The following MTTP variants were observed in gnomAD, a reference collection of about 807,000 sequenced individuals.
MTTP encodes the protein microsomal triglyceride transfer protein, also known as microsomal triglyceride transfer protein large subunit.
MTTP carries 49 observed loss-of-function variants against 90.6 expected under a neutral mutation model. The ratio of observed to expected loss-of-function variants is 0.54; its 90% CI spans 0.43 to 0.69. The LOEUF is 0.69. Among genes scored for constraint, MTTP ranks in the 30% least tolerant of loss-of-function variants. MTTP has a pLI of 0.00. For synonymous variants in MTTP, 347 were observed against 384.2 expected (o/e 0.90, Z 1.13); for missense variants, 945 against 1,067.5 (o/e 0.89, Z 1.60).
intron 1 of MTTP, among the ~76,000 whole-genome samples, chr4:99,568,691 A>G (rs1724763726): frequency 6.6e-6 from 1 of 152,160 alleles, no homozygotes; most frequent in African/African-American, 2.4e-5. Flanking sequence ...GTGCCAGATA[A>G]TAAGGAGATG....
chr4:99,564,230 A>C, exon 1 of MTTP: 1 of 1,535,568 alleles, frequency 6.5e-7, no homozygotes, highest in Non-Finnish European at 8.7e-7. Context: ...ATTCATTCAT[A>C]TATTCTTGTG....
intron 10 of MTTP, among the ~76,000 whole-genome samples, chr4:99,602,718 T>C (rs1725727700): frequency 6.6e-6 from 1 of 152,154 alleles, no homozygotes; most frequent in African/African-American, 2.4e-5. Context: ...ACTTCTTATA[T>C]TTTTCAATTT....
chr4:99,589,837 C>T (rs1725371116), intron 4 of MTTP, 87 bp downstream of exon 4: 2 of 926,262 alleles, frequency 2.2e-6, no homozygotes, highest in Non-Finnish European at 3.5e-6. Context: ...AGAGTTACTA[C>T]TAAGGTAATG....
intron 3 of MTTP, among the ~76,000 whole-genome samples, chr4:99,585,342 C>A (rs1725233762): frequency 6.6e-6 from 1 of 152,068 alleles, no homozygotes; most frequent in South Asian, 2.1e-4. Flanking sequence ...GGAAATTTGC[C>A]TATGGTCATA....
chr4:99,565,378 T>G (rs1724653977), intron 1 of MTTP, among the ~76,000 whole-genome samples: 1 of 150,202 alleles, frequency 6.7e-6, no homozygotes, highest in Non-Finnish European at 1.5e-5. Flanking sequence ...TTGTAGTCAT[T>G]TGGTGCAAAA....
chr4:99,607,373 T>C (rs1012111674), intron 11 of MTTP, among the ~76,000 whole-genome samples: 2 of 152,226 alleles, frequency 1.3e-5, no homozygotes, highest in Non-Finnish European at 2.9e-5. Context: ...AATCTCAAGA[T>C]AAACCATCTG....
chr4:99,587,872 T>C (rs1016490173), intron 3 of MTTP, among the ~76,000 whole-genome samples: 1 of 152,156 alleles, frequency 6.6e-6, no homozygotes, highest in African/African-American at 2.4e-5. Context: ...GTTTACAAAA[T>C]AGAACTTCAG....
chr4:99,611,043 C>A, intron 12 of MTTP, 100 bp from the exon 13 acceptor site: 1 of 1,325,700 alleles, frequency 7.5e-7, no homozygotes, highest in Non-Finnish European at 1.1e-6. Flanking sequence ...GAAAATTTGG[C>A]TTCCTCTTTT....
intron 1 of MTTP, among the ~76,000 whole-genome samples, chr4:99,567,017 G>A (rs1578225288): frequency 6.6e-6 from 1 of 152,230 alleles, no homozygotes; most frequent in East Asian, 1.9e-4. Flanking sequence ...AAGCCAAAAA[G>A]AAACCCATTT....
At chr4:99,619,186 T>C in intron 16 of MTTP, 88 bp downstream of exon 16, 1 of 1,250,652 alleles carries the variant, frequency 8.0e-7, no homozygotes, top group Non-Finnish European at 1.2e-6. Context: ...ATTAATCTTC[T>C]GACTTTTCAA....
chr4:99,568,502 A>G (rs1342562643), intron 1 of MTTP, among the ~76,000 whole-genome samples: 3 of 152,202 alleles, frequency 2.0e-5, no homozygotes, highest in African/African-American at 7.2e-5. Context: ...GATCTAAATA[A>G]ATGGAGAGAT....
upstream of MTTP, among the ~76,000 whole-genome samples, chr4:99,573,049 T>C (rs1051350797): frequency 2.0e-5 from 3 of 152,092 alleles, no homozygotes; most frequent in Non-Finnish European, 4.4e-5. Flanking sequence ...AATAGTGATA[T>C]GTCTTTTATT....
intron 15 of MTTP, among the ~76,000 whole-genome samples, 196 bp downstream of exon 15, chr4:99,613,336 T>C (rs1726009990): frequency 6.6e-6 from 1 of 152,156 alleles, no homozygotes; most frequent in African/African-American, 2.4e-5. Context: ...TATTAGATGA[T>C]TAATAAGTGC....
At position 99,613,024 on chromosome 4, in the gene MTTP, C is replaced by A. The variant is rs570284482; in HGVS notation, c.2101C>A (p.Leu701Ile). 2 of 1,614,088 alleles carry A rather than the reference C, an allele frequency of 1.2e-6. No homozygotes were observed. Among genetic ancestry groups the A allele is most frequent in the South Asian group, 2.2e-5 (2 of 91,086 alleles). Residue 701 changes from leucine to isoleucine, a missense_variant, in exon 15 of 18, where the codon CTC becomes ATC. By Grantham distance (5) the Leu-to-Ile change is conservative. Transcript: ENST00000265517. ...GTCAGCCATCCTCTTTGATGTTCAGCTCAGACCTGTCACCTTTTTCAACGG... is the reference window on the plus strand; with the variant it reads ...GTCAGCCATCCTCTTTGATGTTCAGATCAGACCTGTCACCTTTTTCAACGG... ...GMSAILFDVQ[L>I]RPVTFFNGYS...
intron 1 of MTTP, among the ~76,000 whole-genome samples, chr4:99,580,604 T>C (rs1342949836): frequency 1.0e-5 from 1 of 98,642 alleles, no homozygotes; most frequent in African/African-American, 4.1e-5. Flanking sequence ...AAAAAAAGAA[T>C]CATGTCTCTA....
intron 15 of MTTP, among the ~76,000 whole-genome samples, chr4:99,615,835 G>A (rs1284311831): frequency 6.6e-6 from 1 of 152,196 alleles, no homozygotes. Flanking sequence ...TTGTCAAAAT[G>A]TCAGCATCTG....
At chr4:99,564,275 T>A in intron 1 of MTTP, 1 of 1,518,972 alleles carries the variant, frequency 6.6e-7, no homozygotes, top group South Asian at 1.2e-5. Context: ...AGTCCCACTG[T>A]TAAAAATGCA....
At chr4:99,576,681 C>T (rs1464905673) in intron 1 of MTTP, among the ~76,000 whole-genome samples, 6 of 107,176 alleles carry the variant, frequency 5.6e-5, no homozygotes, top group African/African-American at 2.3e-4. Context: ...GGCGACAGAG[C>T]GAGACTCCGT....
intron 10 of MTTP, among the ~76,000 whole-genome samples, chr4:99,604,008 A>AT (rs1156871317): frequency 3.9e-5 from 6 of 151,916 alleles, no homozygotes; most frequent in Non-Finnish European, 5.9e-5. Context: ...TTGAGCAAAC[A>AT]TTTTTTTTCA....
Sources: gnomAD v4.1 joint callset for allele counts (sites outside exome capture counted in the v4.1 genomes callset) on GRCh38, gnomAD v4.1.1 for gene constraint, MANE v1.5 for transcripts, NCBI Gene and HGNC (gene_info 2026-07-23, HGNC 2026-07-21) for gene names.